POU2F1: variants seen among roughly 807,000 people sequenced by gnomAD.
POU2F1 encodes POU domain, class 2, transcription factor 1.
POU2F1 carries 16 observed loss-of-function variants against 84.9 expected under a neutral mutation model. The observed-to-expected ratio is 0.19, with a 90% confidence interval of 0.13 to 0.29. The LOEUF is 0.29. Among genes scored for constraint, POU2F1 ranks in the 10% least tolerant of loss-of-function variants. POU2F1 has a pLI of 1.00. For synonymous variants in POU2F1, 368 were observed against 368.3 expected, an observed-to-expected ratio of 1.00 and a Z score of 0.01; for missense variants, 738 against 942.6, an observed-to-expected ratio of 0.78 and a Z score of 2.84.
chr1:167,371,770 G>C, intron 4 of POU2F1, 147 bp from the exon 5 acceptor site: 1 of 1,117,724 alleles, frequency 8.9e-7, no homozygotes, highest in African/African-American at 1.6e-5. Flanking sequence ...GTGAAACTAG[G>C]AAAATACAAA....
chr1:167,225,448 G>A (rs990602426), intron 1 of POU2F1, among the ~76,000 whole-genome samples: 6 of 152,200 alleles, frequency 3.9e-5, no homozygotes, highest in African/African-American at 1.4e-4. Flanking sequence ...GTATAAAGCA[G>A]TGTAAATAAA....
At chr1:167,293,101 C>T (rs1021860972) in intron 1 of POU2F1, among the ~76,000 whole-genome samples, 7 of 152,148 alleles carry the variant, frequency 4.6e-5, no homozygotes, top group African/African-American at 1.4e-4. Context: ...TATAACAAGA[C>T]GACAATGCCC....
At chr1:167,248,731 A>C (rs1430072375) in intron 1 of POU2F1, among the ~76,000 whole-genome samples, 1 of 152,166 alleles carries the variant, frequency 6.6e-6, no homozygotes, top group Non-Finnish European at 1.5e-5. Context: ...AGCATCTAAG[A>C]GCATTTCAGT....
intron 12 of POU2F1, among the ~76,000 whole-genome samples, chr1:167,400,725 A>C (rs1219982014): frequency 6.6e-6 from 1 of 152,228 alleles, no homozygotes; most frequent in Non-Finnish European, 1.5e-5. Context: ...GATTCAAAAG[A>C]TGGGAATATT....
Position 167,228,888 on chromosome 1 carries a change from C to T in POU2F1, c.61+7930C>T, listed in dbSNP as rs952813612. Among the ~76,000 whole-genome samples, 4 of 152,234 alleles carry T rather than the reference C, an allele frequency of 2.6e-5. No homozygotes were observed. The South Asian group carries it at 6.2e-4, about 24-fold the overall frequency. ...TTTTATAGTACTTTAAAATTTATAG[C>T]CACATTCTCATTTTCATTACCTCAG... On this transcript the variant is annotated intron_variant, in intron 1 of 15. Transcript: ENST00000367866.
chr1:167,391,066 T>C (rs985060188), intron 9 of POU2F1, among the ~76,000 whole-genome samples: 1 of 152,186 alleles, frequency 6.6e-6, no homozygotes, highest in Admixed American at 6.5e-5. Context: ...TTGTTTGTTT[T>C]AAGCACTACC....
At chr1:167,294,809 A>G (rs1654173833) in intron 1 of POU2F1, among the ~76,000 whole-genome samples, 3 of 152,300 alleles carry the variant, frequency 2.0e-5, no homozygotes, top group African/African-American at 7.2e-5. Flanking sequence ...TACAAGCTCT[A>G]TGAAAAGTAG....
At chr1:167,411,887 TGGC>T in intron 13 of POU2F1, 69 bp from the exon 14 acceptor site, 1 of 1,376,138 alleles carries the variant, frequency 7.3e-7, no homozygotes, top group Non-Finnish European at 1.0e-6. Flanking sequence ...TTATAGAGTT[TGGC>T]TGAGTAAAGC....
At chr1:167,325,013 A>G (rs999259578) in intron 1 of POU2F1, among the ~76,000 whole-genome samples, 9 of 152,104 alleles carry the variant, frequency 5.9e-5, no homozygotes, top group South Asian at 4.1e-4. Flanking sequence ...CAAATTTTCA[A>G]GTCCTGGAAT....
chr1:167,234,131 A>T (rs1013749375), intron 1 of POU2F1, among the ~76,000 whole-genome samples: 1 of 152,264 alleles, frequency 6.6e-6, no homozygotes, highest in Admixed American at 6.5e-5. Flanking sequence ...GATGAAGCAT[A>T]TATCAAATGG....
chr1:167,288,152 T>C (rs1465457796), intron 1 of POU2F1, among the ~76,000 whole-genome samples: 1 of 152,172 alleles, frequency 6.6e-6, no homozygotes, highest in Admixed American at 6.5e-5. Flanking sequence ...AAGACTGAAA[T>C]GCAAGAGGGA....
chr1:167,248,777 A>C (rs1251614046), intron 1 of POU2F1, among the ~76,000 whole-genome samples: 1 of 152,194 alleles, frequency 6.6e-6, no homozygotes, highest in Non-Finnish European at 1.5e-5. Context: ...TTTAATATAC[A>C]GTGCTTATTA....
At chr1:167,244,937 G>C (rs532707285) in intron 1 of POU2F1, among the ~76,000 whole-genome samples, 5 of 152,322 alleles carry the variant, frequency 3.3e-5, no homozygotes, top group African/African-American at 1.2e-4. Flanking sequence ...TTTCTGGAGA[G>C]AGGGATCTTA....
intron 1 of POU2F1, among the ~76,000 whole-genome samples, chr1:167,273,465 G>A (rs990313066): frequency 2.0e-5 from 3 of 152,202 alleles, no homozygotes; most frequent in African/African-American, 7.2e-5. Context: ...CCTGCCTGGA[G>A]TTTCCATACA....
At chr1:167,306,470 T>G (rs1166043551) in intron 1 of POU2F1, among the ~76,000 whole-genome samples, 1 of 152,214 alleles carries the variant, frequency 6.6e-6, no homozygotes, top group East Asian at 1.9e-4. Flanking sequence ...ATATAATACC[T>G]TTATTTTTAT....
chr1:167,414,150 G>A (rs1186903256), intron 15 of POU2F1, among the ~76,000 whole-genome samples: 1 of 152,150 alleles, frequency 6.6e-6, no homozygotes, highest in Non-Finnish European at 1.5e-5. Context: ...CCATGGCCTA[G>A]ATTACCTTAC....
At position 167,427,123 on chromosome 1, in the gene POU2F1, C is replaced by T. The variant is rs569909978; in HGVS notation, c.*11313C>T. ...GGAATATGAGCGGTGCTGTCTCTCTCAAAAGTGCCCTTTAGATGATTCCCC... is the reference window on the plus strand; with the variant it reads ...GGAATATGAGCGGTGCTGTCTCTCTTAAAAGTGCCCTTTAGATGATTCCCC... On this transcript the variant is annotated 3_prime_UTR_variant, in exon 16 of 16. Transcript: ENST00000367866. 6.6e-6 allele frequency: 1 copy of T among 152,276 alleles called. No homozygotes were observed. The highest frequency in any genetic ancestry group is 6.5e-5 in the Admixed American group (1 of 15,298). The allele number at this position is 152,276 out of a possible 1,614,324, so 9.4% of individuals were successfully genotyped here. A position where few individuals can be genotyped will look rare whatever the true frequency, so the allele number is the denominator to read the frequency against.
At chr1:167,361,362 T>G (rs1209432570) in intron 2 of POU2F1, among the ~76,000 whole-genome samples, 1 of 152,204 alleles carries the variant, frequency 6.6e-6, no homozygotes, top group Non-Finnish European at 1.5e-5. Flanking sequence ...ATGCCTAGTT[T>G]ATTAGGAGTT....
intron 1 of POU2F1, among the ~76,000 whole-genome samples, chr1:167,300,508 A>G (rs1654610760): frequency 6.6e-6 from 1 of 152,092 alleles, no homozygotes; most frequent in Non-Finnish European, 1.5e-5. Flanking sequence ...CTCTGTCGCC[A>G]GGCCAGAGTG....
Sources: allele counts gnomAD v4.1 joint callset (sites outside exome capture counted in the v4.1 genomes callset), GRCh38; gene constraint gnomAD v4.1.1; transcripts MANE v1.5; gene names NCBI Gene and HGNC (gene_info 2026-07-23, HGNC 2026-07-21).